Variants in SLC4A10 observed in about 807,000 individuals in gnomAD.
SLC4A10 encodes sodium-driven chloride bicarbonate exchanger.
SLC4A10 carries 42 observed loss-of-function variants against 137.7 expected under a neutral mutation model. The ratio of observed to expected loss-of-function variants is 0.30; its 90% CI spans 0.24 to 0.39. The LOEUF is 0.39. Ranked by LOEUF, SLC4A10 falls within the 10% of genes least tolerant of loss-of-function variation. The probability of loss-of-function intolerance (pLI) is 1.00; values close to 1 mark genes in which losing one functional copy is unlikely to be tolerated. For synonymous variants in SLC4A10, 474 were observed against 464.1 expected (o/e 1.02, Z -0.27); for missense variants, 925 against 1,355.0 (o/e 0.68, Z 4.98).
intron 1 of SLC4A10, among the ~76,000 whole-genome samples, chr2:161,760,819 G>T (rs1030902162): frequency 5.9e-5 from 9 of 151,676 alleles, no homozygotes; most frequent in African/African-American, 2.2e-4. Context: ...TGTCCTAATG[G>T]TTTTTGTGGC....
chr2:161,866,460 G>A (rs1410216353), intron 6 of SLC4A10, among the ~76,000 whole-genome samples: 2 of 151,838 alleles, frequency 1.3e-5, no homozygotes, highest in Non-Finnish European at 2.9e-5. Flanking sequence ...GGATGCTATG[G>A]ATTCACCATG....
rs563744796 is a variant in SLC4A10 at position 161,970,267 on chromosome 2, A to G, written c.3160-3982A>G. The stretch of plus-strand genomic sequence containing the variant: ...AAATATGTTACATTTATGTACTGAT[A>G]TGAACTCTATATAGACTCTCCATTT... On this transcript the variant is annotated intron_variant, in intron 23 of 26. Coordinates refer to ENST00000446997, the MANE Select transcript of SLC4A10 (RefSeq NM_001178015.2). 1.1e-3 allele frequency among the ~76,000 whole-genome samples: 173 copies of G among 152,354 alleles called. 4 individuals carry two copies. The South Asian group carries it at 0.034, about 30-fold the overall frequency.
chr2:161,667,300 T>G (rs1558985122), intron 1 of SLC4A10, among the ~76,000 whole-genome samples: 1 of 151,704 alleles, frequency 6.6e-6, no homozygotes. Context: ...CAAAAATTAT[T>G]ACTGTGTTCC....
chr2:161,965,706 T>A (rs1262120555), intron 23 of SLC4A10, among the ~76,000 whole-genome samples: 1 of 152,174 alleles, frequency 6.6e-6, no homozygotes, highest in Non-Finnish European at 1.5e-5. Flanking sequence ...GAGTAGATGT[T>A]GCAGAAACTT....
chr2:161,696,059 C>T (rs561329976), intron 1 of SLC4A10, among the ~76,000 whole-genome samples: 7 of 151,764 alleles, frequency 4.6e-5, no homozygotes, highest in African/African-American at 1.7e-4. Flanking sequence ...CTATCCCACC[C>T]CACTTCCCCC....
intron 23 of SLC4A10, among the ~76,000 whole-genome samples, chr2:161,972,986 C>T (rs1218440425): frequency 2.0e-5 from 3 of 152,108 alleles, no homozygotes; most frequent in African/African-American, 4.8e-5. Flanking sequence ...TATCTGAGAG[C>T]GGGCCAAGGT....
At position 161,785,072 on chromosome 2, in the gene SLC4A10, T is replaced by G. The variant is rs564873858; in HGVS notation, c.130+14018T>G. 1.7e-4 allele frequency among the ~76,000 whole-genome samples: 26 copies of G among 151,592 alleles called. 1 individual carries two copies. The South Asian group carries it at 5.0e-3, about 29-fold the overall frequency. On this transcript the variant is annotated intron_variant, in intron 2 of 26. Transcript: ENST00000446997. ...AGGAGGTATTACCACTGATATCACATAAGTTAAAAAGTTCATAAGTATCTA... is the reference window on the plus strand; with the variant it reads ...AGGAGGTATTACCACTGATATCACAGAAGTTAAAAAGTTCATAAGTATCTA...
intron 16 of SLC4A10, 44 bp downstream of exon 16, chr2:161,942,941 T>G: frequency 6.9e-7 from 1 of 1,452,160 alleles, no homozygotes; most frequent in Non-Finnish European, 9.4e-7. Flanking sequence ...AGAGCTTTTG[T>G]TGACATTTTG....
intron 1 of SLC4A10, among the ~76,000 whole-genome samples, chr2:161,733,722 C>T (rs1254935401): frequency 6.6e-6 from 1 of 152,158 alleles, no homozygotes; most frequent in African/African-American, 2.4e-5. Flanking sequence ...GCAGCTTGCG[C>T]AGTGTGCCTA....
At chr2:161,900,875 ACAAAAC>A in intron 11 of SLC4A10, 30 bp from the exon 12 acceptor site, 1 of 1,204,944 alleles carries the variant, frequency 8.3e-7, no homozygotes, top group Non-Finnish European at 1.1e-6. Flanking sequence ...TGAAATTAAA[ACAAAAC>A]AAAACACATG....
chr2:161,943,501 T>C (rs1693134805), intron 16 of SLC4A10, among the ~76,000 whole-genome samples: 1 of 152,078 alleles, frequency 6.6e-6, no homozygotes, highest in Non-Finnish European at 1.5e-5. Context: ...GACTTTTCTC[T>C]ACTTTGTGAT....
intron 1 of SLC4A10, among the ~76,000 whole-genome samples, chr2:161,749,699 A>C (rs1169974639): frequency 2.0e-5 from 3 of 151,790 alleles, no homozygotes; most frequent in African/African-American, 7.3e-5. Context: ...ATATTCATCC[A>C]AGATAGTGGC....
At chr2:161,876,307 A>G (rs2125941385) in intron 8 of SLC4A10, among the ~76,000 whole-genome samples, 1 of 152,308 alleles carries the variant, frequency 6.6e-6, no homozygotes, top group East Asian at 1.9e-4. Context: ...TAGATTCTCT[A>G]GAGCTGCTTT....
At chr2:161,788,504 G>A (rs2053871913) in intron 2 of SLC4A10, among the ~76,000 whole-genome samples, 1 of 152,036 alleles carries the variant, frequency 6.6e-6, no homozygotes, top group Non-Finnish European at 1.5e-5. Flanking sequence ...GGTGGTAGGG[G>A]CAGGGGGCCT....
At chr2:161,933,880 A>G (rs1575720346) in intron 15 of SLC4A10, among the ~76,000 whole-genome samples, 1 of 152,116 alleles carries the variant, frequency 6.6e-6, no homozygotes, top group East Asian at 1.9e-4. Flanking sequence ...TAGGTCTATT[A>G]ATTTTTTGAA....
chr2:161,868,872 C>T (rs978922435), intron 6 of SLC4A10, among the ~76,000 whole-genome samples: 3 of 151,388 alleles, frequency 2.0e-5, no homozygotes, highest in Admixed American at 6.6e-5. Context: ...TTTTCATAGT[C>T]ATCCTCATGC....
intron 15 of SLC4A10, among the ~76,000 whole-genome samples, chr2:161,928,648 GCA>G (rs1689711582): frequency 1.2e-5 from 1 of 80,432 alleles, no homozygotes. Context: ...ATCCTTGAAA[GCA>G]AAAAAAAAAA....
chr2:161,951,767 A>G (rs567923093), intron 19 of SLC4A10, among the ~76,000 whole-genome samples: 142 of 152,258 alleles, frequency 9.3e-4, no homozygotes, highest in African/African-American at 3.2e-3. Flanking sequence ...CTGATGCAAT[A>G]TATTGGGTCA....
At chr2:161,830,795 A>G (rs2058385878) in intron 3 of SLC4A10, among the ~76,000 whole-genome samples, 1 of 152,192 alleles carries the variant, frequency 6.6e-6, no homozygotes, top group Admixed American at 6.5e-5. Flanking sequence ...TATTTCATCC[A>G]TTCTAGCAAA....
Sources: gnomAD v4.1 joint callset for allele counts (sites outside exome capture counted in the v4.1 genomes callset) on GRCh38, gnomAD v4.1.1 for gene constraint, MANE v1.5 for transcripts, NCBI Gene and HGNC (gene_info 2026-07-23, HGNC 2026-07-21) for gene names.